Variants in STAU2 observed in about 807,000 individuals in gnomAD.
STAU2 encodes double-stranded RNA-binding protein Staufen homolog 2.
STAU2 carries 20 observed loss-of-function variants against 65.9 expected under a neutral mutation model. The ratio of observed to expected loss-of-function variants is 0.30; its 90% CI spans 0.21 to 0.44. The LOEUF is 0.44. Ranked by LOEUF, STAU2 falls within the 20% of genes least tolerant of loss-of-function variation. The probability of loss-of-function intolerance (pLI) is 1.00; values close to 1 mark genes in which losing one functional copy is unlikely to be tolerated. For synonymous variants in STAU2, 232 were observed against 233.9 expected, an observed-to-expected ratio of 0.99 and a Z score of 0.07; for missense variants, 558 against 683.9, an observed-to-expected ratio of 0.82 and a Z score of 2.05.
chr8:73,706,977 G>C (rs1288693533), intron 4 of STAU2, among the ~76,000 whole-genome samples: 1 of 152,198 alleles, frequency 6.6e-6, no homozygotes, highest in Non-Finnish European at 1.5e-5. Context: ...AAACTTCCCA[G>C]GTAGGCTGAC....
Position 73,709,040 on chromosome 8 carries a change from G to C in STAU2, c.106C>G (p.His36Asp), listed in dbSNP as rs1285599181. ...TCTCTTCATAACCTTACCTTTGAAT[G>C]AGCAGGCCCTCTTTCATTCAGAAGT... is the stretch of plus-strand genomic sequence containing the variant. ...YKLLNERGPA[H>D]SKMFSVQLSL... Residue 36 changes from histidine to aspartate, a missense_variant, in exon 4 of 15, where the codon CAT (histidine) becomes GAT (aspartate). Physicochemically the swap from His to Asp is moderately conservative, Grantham distance 81. Transcript: ENST00000524300. The C allele has an allele frequency of 2.0e-6, 3 of 1,526,626 alleles. No homozygotes were observed. The highest frequency in any genetic ancestry group is 2.6e-6 in the Non-Finnish European group (3 of 1,142,334). 94.6% of individuals were successfully genotyped at this position (1,526,626 alleles called of 1,614,324 possible).
chr8:73,443,739 T>C (rs1241212548), intron 13 of STAU2, among the ~76,000 whole-genome samples: 1 of 152,030 alleles, frequency 6.6e-6, no homozygotes, highest in Admixed American at 6.6e-5. Flanking sequence ...TCCTAGCTAC[T>C]TGGGAGGCTA....
At chr8:73,637,477 TAA>T (rs60833468) in intron 6 of STAU2, among the ~76,000 whole-genome samples, 1,855 of 57,076 alleles carry the variant, frequency 0.033, 13 homozygotes, top group Middle Eastern at 0.1. Flanking sequence ...GTGCTGAAAG[TAA>T]AAAAAAAAAA....
chr8:73,720,807 C>T (rs1423173899), intron 3 of STAU2, among the ~76,000 whole-genome samples: 1 of 80,452 alleles, frequency 1.2e-5, no homozygotes, highest in East Asian at 6.6e-4. Context: ...CCACCGCGCC[C>T]GGCCTAGTTT....
chr8:73,471,556 C>T (rs1358816137), intron 13 of STAU2, among the ~76,000 whole-genome samples: 2 of 148,334 alleles, frequency 1.3e-5, no homozygotes, highest in African/African-American at 4.9e-5. Context: ...TGGTGGCTCA[C>T]GCCTGTAATC....
intron 13 of STAU2, among the ~76,000 whole-genome samples, chr8:73,519,444 T>G (rs985266730): frequency 6.6e-6 from 1 of 152,102 alleles, no homozygotes; most frequent in Non-Finnish European, 1.5e-5. Context: ...AGAAAGTAAT[T>G]TAGGACGCCA....
At chr8:73,547,440 C>T (rs987965923) in intron 13 of STAU2, among the ~76,000 whole-genome samples, 13 of 151,986 alleles carry the variant, frequency 8.6e-5, no homozygotes, top group African/African-American at 3.1e-4. Context: ...GTTATGTTTG[C>T]ATATCCCTTG....
intron 13 of STAU2, among the ~76,000 whole-genome samples, chr8:73,434,511 G>C (rs750899834): frequency 2.6e-5 from 4 of 151,906 alleles, no homozygotes; most frequent in Admixed American, 1.3e-4. Context: ...GAGTCTGTTA[G>C]ACTTGGATTA....
chr8:73,526,769 A>G (rs1409346088), intron 13 of STAU2, among the ~76,000 whole-genome samples: 1 of 152,238 alleles, frequency 6.6e-6, no homozygotes, highest in East Asian at 1.9e-4. Flanking sequence ...TCTGTTGTAA[A>G]CAGGATGTAT....
intron 12 of STAU2, among the ~76,000 whole-genome samples, chr8:73,557,685 T>G (rs1807894894): frequency 6.6e-6 from 1 of 152,232 alleles, no homozygotes; most frequent in Non-Finnish European, 1.5e-5. Context: ...AAACTTTTTC[T>G]CATGTAGCTA....
intron 9 of STAU2, among the ~76,000 whole-genome samples, chr8:73,606,664 A>G (rs1333416256): frequency 6.6e-6 from 1 of 152,218 alleles, no homozygotes; most frequent in Non-Finnish European, 1.5e-5. Context: ...AGCTGCTACA[A>G]CTTTGAAAAA....
intron 12 of STAU2, among the ~76,000 whole-genome samples, chr8:73,577,553 T>A (rs1394079175): frequency 6.6e-6 from 1 of 152,076 alleles, no homozygotes; most frequent in Non-Finnish European, 1.5e-5. Context: ...ATTCATTTTT[T>A]TCTGATTATA....
intron 6 of STAU2, among the ~76,000 whole-genome samples, chr8:73,670,839 G>A (rs1230464503): frequency 6.6e-6 from 1 of 151,880 alleles, no homozygotes; most frequent in African/African-American, 2.4e-5. Flanking sequence ...GAATTTCTCA[G>A]GCATAAAAGA....
chr8:73,641,699 G>A (rs1255105254), intron 6 of STAU2, among the ~76,000 whole-genome samples: 1 of 152,044 alleles, frequency 6.6e-6, no homozygotes. Flanking sequence ...GAAAACTGTT[G>A]GTTTAATCTG....
intron 12 of STAU2, among the ~76,000 whole-genome samples, chr8:73,581,433 A>G (rs1809975055): frequency 6.6e-6 from 1 of 152,218 alleles, no homozygotes; most frequent in South Asian, 2.1e-4. Flanking sequence ...GAATAGTATC[A>G]TTTTTATAAA....
intron 13 of STAU2, among the ~76,000 whole-genome samples, chr8:73,447,912 T>C (rs1818564064): frequency 6.6e-6 from 1 of 152,186 alleles, no homozygotes; most frequent in Admixed American, 6.5e-5. Flanking sequence ...GGGCTAGTCT[T>C]TCCTCTCAAG....
intron 13 of STAU2, among the ~76,000 whole-genome samples, chr8:73,533,745 A>G (rs1355352249): frequency 6.6e-6 from 1 of 152,182 alleles, no homozygotes; most frequent in Non-Finnish European, 1.5e-5. Context: ...TGTCTGAATG[A>G]ATGAATGAAT....
intron 13 of STAU2, among the ~76,000 whole-genome samples, chr8:73,455,373 C>T (rs942560671): frequency 1.3e-5 from 2 of 152,108 alleles, no homozygotes; most frequent in South Asian, 2.1e-4. Flanking sequence ...GCGGTCAGGG[C>T]GAAGGTTTTG....
intron 13 of STAU2, among the ~76,000 whole-genome samples, chr8:73,516,625 T>C (rs559704830): frequency 6.6e-6 from 1 of 152,302 alleles, no homozygotes; most frequent in Admixed American, 6.5e-5. Flanking sequence ...CTGGTTTGTC[T>C]AAAAAGGAAT....
Sources: allele counts gnomAD v4.1 joint callset (sites outside exome capture counted in the v4.1 genomes callset), GRCh38; gene constraint gnomAD v4.1.1; transcripts MANE v1.5; gene names NCBI Gene and HGNC (gene_info 2026-07-23, HGNC 2026-07-21).